The following UBAP2 variants were observed in gnomAD, a reference collection of about 807,000 sequenced individuals.
The protein encoded by UBAP2 is ubiquitin-associated protein 2.
In UBAP2, 75 loss-of-function variants were observed where a neutral mutation model predicts 139.6. That is an observed-to-expected ratio of 0.54 (90% CI 0.45 to 0.65). The LOEUF (loss-of-function observed/expected upper bound fraction) is 0.65. UBAP2 is among the 30% of genes least tolerant of loss of function. The pLI is 0.00. For missense variants in UBAP2, 1,368 were observed against 1,369.6 expected (o/e 1.00, Z 0.02); for synonymous variants, 526 against 526.2 (o/e 1.00, Z 0.01).
intron 1 of UBAP2, among the ~76,000 whole-genome samples, chr9:34,046,612 C>A (rs113358451): frequency 0.053 from 7,694 of 144,894 alleles, 282 homozygotes; most frequent in Middle Eastern, 0.11. Flanking sequence ...CCACTGCACT[C>A]CAGCCTGGGC....
rs1395922483 is a variant in UBAP2 at position 33,923,419 on chromosome 9, G to C, written c.2856C>G (p.Phe952Leu). The change falls in exon 25 of 29, where the codon TTC becomes TTG. Residue 952 changes from phenylalanine to leucine, a missense_variant. Phe to Leu is a conservative substitution (Grantham distance 22). Transcript: ENST00000379238. Reference sequence around the variant, plus strand: ...GCTGGCCATAACCACTGGCCTGCTGGAAGGGAGGTGTGGGAGTGCTGAGGT... The same window carrying C: ...GCTGGCCATAACCACTGGCCTGCTGCAAGGGAGGTGTGGGAGTGCTGAGGT... The part of the protein sequence containing the change: ...GVNLSTPTPP[F>L]QQASGYGQHG... 6.2e-7 allele frequency: 1 copy of C among 1,614,184 alleles called. No homozygotes were observed. Among genetic ancestry groups the C allele is most frequent in the East Asian group, 2.2e-5 (1 of 44,872 alleles).
intron 8 of UBAP2, among the ~76,000 whole-genome samples, chr9:33,967,667 A>G (rs1450795127): frequency 6.6e-6 from 1 of 152,218 alleles, no homozygotes; most frequent in Non-Finnish European, 1.5e-5. Flanking sequence ...AGAATTCTCA[A>G]TTTATGGAAT....
intron 13 of UBAP2, among the ~76,000 whole-genome samples, chr9:33,947,981 C>CAAAAAA (rs34296980): frequency 3.7e-5 from 3 of 80,614 alleles, no homozygotes; most frequent in Non-Finnish European, 4.8e-5. Context: ...GACCCCATCT[C>CAAAAAA]AAAAAAAAAA....
rs531497057 is a variant in UBAP2 at position 33,947,861 on chromosome 9, G to A, written c.1270+513C>T. 1.1e-3 allele frequency among the ~76,000 whole-genome samples: 165 copies of A among 150,848 alleles called. 1 individual carries two copies. The highest frequency in any genetic ancestry group is 1.9e-3 in the Non-Finnish European group (129 of 67,748). On this transcript the variant is annotated intron_variant, in intron 13 of 28. Transcript: ENST00000379238. ...AAATAAAATAATAGAGTAAAATATT[G>A]TCTAGGCTGGATACAGTGGTGCACA...
At position 33,989,006 on chromosome 9, in the gene UBAP2, G is replaced by C. The variant is rs753685312; in HGVS notation, c.409C>G (p.Arg137Gly). ...ESSRGRGNNN[R>G]KGRGGNRGRE... is the part of the protein sequence containing the mutation. ...CCACGATTGCCGCCTCTTCCTTTCC[G>C]GTTGTTGTTTCCACGTCCACGACTC... The change falls in exon 5 of 29, where the codon CGG (arginine) becomes GGG (glycine). Residue 137 changes from arginine to glycine, a missense_variant. Coordinates refer to ENST00000379238, the MANE Select transcript of UBAP2 (RefSeq NM_001370062.2). The C allele has an allele frequency of 6.2e-7, 1 of 1,613,410 alleles. No individual in the cohort carries two copies. Among genetic ancestry groups the C allele is most frequent in the Non-Finnish European group, 8.5e-7 (1 of 1,179,778 alleles).
intron 10 of UBAP2, among the ~76,000 whole-genome samples, chr9:33,960,096 AT>A (rs907264692): frequency 9.2e-5 from 14 of 151,664 alleles, no homozygotes; most frequent in Non-Finnish European, 1.9e-4. Context: ...CACCCAGGTA[AT>A]TTTTTTATTA....
intron 2 of UBAP2, among the ~76,000 whole-genome samples, chr9:34,002,922 T>G (rs1822847266): frequency 6.6e-6 from 1 of 152,020 alleles, no homozygotes; most frequent in African/African-American, 2.4e-5. Flanking sequence ...CCCCCGAGCT[T>G]AAGCAATTCC....
At chr9:33,941,923 A>G in intron 15 of UBAP2, 61 bp from the exon 16 acceptor site, 1 of 1,233,470 alleles carries the variant, frequency 8.1e-7, no homozygotes, top group Non-Finnish European at 1.2e-6. Context: ...CATAAAAAAA[A>G]AAAAACATAA....
rs66465145 is a variant in UBAP2, at chr9:33,936,926, CAAAAAAAAAAAAAAA to C, written c.1930-1063_1930-1049del. ...TGGGCACTGTAGCAAAACTCCAGCT[CAAAAAAAAAAAAAAA>C]AAAAAAAAAAACAGTCTGAATAGCC... is the stretch of plus-strand genomic sequence containing the variant. On this transcript the variant is annotated intron_variant, in intron 16 of 28. Coordinates refer to ENST00000379238, the MANE Select transcript of UBAP2 (RefSeq NM_001370062.2). Among the ~76,000 whole-genome samples, 5 of 59,794 alleles carry C rather than the reference CAAAAAAAAAAAAAAA, an allele frequency of 8.4e-5. No homozygotes were observed. The South Asian group carries it at 3.1e-3, about 37-fold the overall frequency. The allele number at this position is 59,794 out of a possible 152,430, so 39.2% of individuals were successfully genotyped here. A position where few individuals can be genotyped will look rare whatever the true frequency, so the allele number is the denominator to read the frequency against.
chr9:33,970,905 C>T (rs555577195), intron 8 of UBAP2, among the ~76,000 whole-genome samples: 4 of 152,176 alleles, frequency 2.6e-5, no homozygotes, highest in Non-Finnish European at 4.4e-5. Context: ...TGGGTTCAAG[C>T]GATTCTCCTG....
In UBAP2 at chr9:33,953,508, T is replaced by G. The variant is rs139029922; in HGVS notation, c.867-34A>C. On this transcript the variant is annotated intron_variant, in intron 11 of 28. Transcript: ENST00000379238. The stretch of plus-strand genomic sequence containing the variant: ...ACAAAAAGCAATGAGGAACCAGTCA[T>G]AAGCAAATCTTACCAACAAATGAAT... 170 of 1,579,782 alleles carry G rather than the reference T, an allele frequency of 1.1e-4. No individual in the cohort carries two copies. The African/African-American group carries it at 2.1e-3, about 19-fold the overall frequency.
At chr9:33,981,245 GATATATATATATATTCTGGATATAT>G in intron 6 of UBAP2, among the ~76,000 whole-genome samples, 1 of 32,310 alleles carries the variant, frequency 3.1e-5, no homozygotes, top group African/African-American at 1.2e-4. Flanking sequence ...ATATATTCTG[GATATATATATATATTCTGGATATAT>G]ATATATATTC....
At chr9:34,043,164 G>A (rs921641853) in intron 1 of UBAP2, among the ~76,000 whole-genome samples, 5 of 152,014 alleles carry the variant, frequency 3.3e-5, no homozygotes, top group South Asian at 2.1e-4. Context: ...TATCATCTAC[G>A]GTATGTATGC....
intron 1 of UBAP2, among the ~76,000 whole-genome samples, chr9:34,022,638 C>T (rs1222710881): frequency 6.6e-6 from 1 of 151,710 alleles, no homozygotes; most frequent in African/African-American, 2.4e-5. Flanking sequence ...GGGGTTTCAC[C>T]ATGTTGGCCA....
intron 1 of UBAP2, among the ~76,000 whole-genome samples, chr9:34,034,786 T>C (rs1018835737): frequency 6.6e-6 from 1 of 152,108 alleles, no homozygotes; most frequent in East Asian, 1.9e-4. Context: ...GGGAGGAGAA[T>C]TGCTTCAACC....
intron 2 of UBAP2, among the ~76,000 whole-genome samples, chr9:34,016,367 C>CGGTGGTGGTGGTGGTGGTGGTGGT (rs1485527479): frequency 9.6e-5 from 1 of 10,450 alleles, no homozygotes; most frequent in Non-Finnish European, 3.0e-4. Flanking sequence ...GCGGCGGCAG[C>CGGTGGTGGTGGTGGTGGTGGTGGT]GGCGGTGGTG....
At chr9:33,951,401 C>T (rs972913102) in intron 12 of UBAP2, among the ~76,000 whole-genome samples, 2 of 127,752 alleles carry the variant, frequency 1.6e-5, no homozygotes, top group South Asian at 2.5e-4. Flanking sequence ...GGCTGGAGTG[C>T]AATGGCATGA....
At chr9:34,016,452 G>C (rs551084034) in intron 2 of UBAP2, among the ~76,000 whole-genome samples, 5 of 151,776 alleles carry the variant, frequency 3.3e-5, no homozygotes, top group Non-Finnish European at 7.4e-5. Flanking sequence ...CCTGGAAAAG[G>C]TTAGCATTAA....
chr9:34,010,651 T>C (rs1218348109), intron 2 of UBAP2, among the ~76,000 whole-genome samples: 1 of 152,144 alleles, frequency 6.6e-6, no homozygotes. Flanking sequence ...CTTTTCTTCA[T>C]CTGTGACCAT....
Sources: gnomAD v4.1 joint callset for allele counts (sites outside exome capture counted in the v4.1 genomes callset) on GRCh38, gnomAD v4.1.1 for gene constraint, MANE v1.5 for transcripts, NCBI Gene and HGNC (gene_info 2026-07-23, HGNC 2026-07-21) for gene names.